Variants in WDR25 observed in about 807,000 individuals in gnomAD.
WDR25 encodes the protein WD repeat-containing protein 25.
A neutral mutation model predicts 47.7 loss-of-function variants in WDR25; 35 were observed. The observed-to-expected ratio is 0.73, with a 90% CI of 0.56 to 0.97. The LOEUF (loss-of-function observed/expected upper bound fraction) is 0.97. Among genes scored for constraint, WDR25 ranks in the 50% least tolerant of loss-of-function variants. The probability of loss-of-function intolerance (pLI) is 0.00; values close to 1 mark genes in which losing one functional copy is unlikely to be tolerated. For synonymous variants in WDR25, 248 were observed against 278.9 expected (o/e 0.89, Z 1.10); for missense variants, 634 against 704.7 (o/e 0.90, Z 1.14).
chr14:100,522,702 A>T (rs1044462857), intron 4 of WDR25, among the ~76,000 whole-genome samples: 1 of 152,192 alleles, frequency 6.6e-6, no homozygotes, highest in African/African-American at 2.4e-5. Flanking sequence ...TACTTTACAG[A>T]TATGGAGACT....
In WDR25 at chr14:100,449,295, G is replaced by A. The variant is rs1430178301; in HGVS notation, c.823-18726G>A. The stretch of plus-strand genomic sequence containing the variant: ...CCATCAGGGAGGGCCAGGGAGAACC[G>A]TGGCTTCGATAATGGTATGGGCCTG... On this transcript the variant is annotated intron_variant, in intron 2 of 6. Transcript: ENST00000402312. The surrounding 1 kb of genome is among the most constrained non-coding windows in gnomAD (Gnocchi z 4.2). 4.6e-5 allele frequency among the ~76,000 whole-genome samples: 7 copies of A among 152,252 alleles called. No homozygotes were observed. The highest frequency in any genetic ancestry group is 3.2e-3 in the Middle Eastern group (1 of 316).
rs1213203990 is a variant in WDR25 at position 100,448,190 on chromosome 14, T to TC, written c.823-19830dup. Among the ~76,000 whole-genome samples, 214 of 78,466 alleles carry TC rather than the reference T, an allele frequency of 2.7e-3. No individual in the cohort carries two copies. In the Admixed American group the frequency reaches 0.032, roughly 12 times the overall value. 51.5% of individuals were successfully genotyped at this position (78,466 alleles called of 152,430 possible). ...AGCCTGGAAAACGAGCAAAACTCCG[T>TC]CTCAAAAAAAAAAAAAAAAAAAGAA... On this transcript the variant is annotated intron_variant, in intron 2 of 6. Coordinates refer to ENST00000402312, the MANE Select transcript of WDR25 (RefSeq NM_001161476.3).
At chr14:100,520,397 T>C (rs1285668102) in intron 4 of WDR25, among the ~76,000 whole-genome samples, 2 of 152,312 alleles carry the variant, frequency 1.3e-5, no homozygotes, top group African/African-American at 4.8e-5. Flanking sequence ...TTTATATATA[T>C]TGACACTAAC....
chr14:100,481,738 A>G (rs894265547), intron 3 of WDR25, among the ~76,000 whole-genome samples: 1 of 152,090 alleles, frequency 6.6e-6, no homozygotes, highest in Non-Finnish European at 1.5e-5. Context: ...CCCTGTCAGA[A>G]TTGTGTGGAC....
intron 2 of WDR25, among the ~76,000 whole-genome samples, chr14:100,409,762 G>GT (rs1167865526): frequency 6.6e-6 from 1 of 152,200 alleles, no homozygotes; most frequent in Non-Finnish European, 1.5e-5. Context: ...TAAGTAAGCA[G>GT]TTTCCTGGGT....
intron 2 of WDR25, among the ~76,000 whole-genome samples, chr14:100,458,152 C>G (rs1352741560): frequency 6.6e-6 from 1 of 151,908 alleles, no homozygotes; most frequent in African/African-American, 2.4e-5. Context: ...TATAAGAAAC[C>G]CACTTTATAA....
At chr14:100,385,128 G>A (rs1896990473) in intron 2 of WDR25, among the ~76,000 whole-genome samples, 1 of 152,142 alleles carries the variant, frequency 6.6e-6, no homozygotes, top group African/African-American at 2.4e-5. Flanking sequence ...TACGTAAGTA[G>A]CCATGGAAGC....
At chr14:100,391,905 G>A (rs1330052825) in intron 2 of WDR25, among the ~76,000 whole-genome samples, 1 of 152,162 alleles carries the variant, frequency 6.6e-6, no homozygotes, top group Non-Finnish European at 1.5e-5. Flanking sequence ...TTTTCCAGAG[G>A]CTATGAGGCG....
intron 4 of WDR25, among the ~76,000 whole-genome samples, chr14:100,490,331 CTGAT>C (rs1422302828): frequency 3.3e-5 from 5 of 152,270 alleles, no homozygotes. Context: ...GCATGAATGA[CTGAT>C]AGCTCTAATC....
In WDR25 at chr14:100,392,081, T is replaced by G. The variant is rs1472687615; in HGVS notation, c.822+10335T>G. On this transcript the variant is annotated intron_variant, in intron 2 of 6. Coordinates refer to ENST00000402312, the MANE Select transcript of WDR25 (RefSeq NM_001161476.3). This position sits in a 1 kb window ranked among gnomAD's most constrained non-coding sequence, Gnocchi z 4.2. ...TTTTATAAGAATGTGCTATTTCTGT[T>G]AACATGTGGGGGGTTTGTTACTGTT... is the stretch of plus-strand genomic sequence containing the variant. Among the ~76,000 whole-genome samples, 1 of 152,214 alleles carries G rather than the reference T, an allele frequency of 6.6e-6. No individual in the cohort carries two copies. Among genetic ancestry groups the G allele is most frequent in the East Asian group, 1.9e-4 (1 of 5,202 alleles).
intron 2 of WDR25, among the ~76,000 whole-genome samples, chr14:100,460,026 A>C (rs541931966): frequency 2.0e-5 from 3 of 149,138 alleles, no homozygotes; most frequent in African/African-American, 7.4e-5. Context: ...CTATGAGGCC[A>C]TGATTACCCT....
chr14:100,519,016 A>G (rs959643241), intron 4 of WDR25, among the ~76,000 whole-genome samples: 1 of 151,884 alleles, frequency 6.6e-6, no homozygotes, highest in African/African-American at 2.4e-5. Context: ...TGAGGGATTT[A>G]TTTCAGAATG....
At chr14:100,474,887 C>T (rs984006932) in intron 3 of WDR25, among the ~76,000 whole-genome samples, 1 of 152,180 alleles carries the variant, frequency 6.6e-6, no homozygotes, top group Non-Finnish European at 1.5e-5. Flanking sequence ...GTTTGCAAAT[C>T]ATACATCTTG....
At chr14:100,466,914 C>T (rs144009118) in intron 2 of WDR25, among the ~76,000 whole-genome samples, 115 of 152,298 alleles carry the variant, frequency 7.6e-4, no homozygotes, top group Admixed American at 1.9e-3. Flanking sequence ...CTGGGCTGCA[C>T]GGTGTGTTTG....
At chr14:100,446,855 G>A (rs1051978738) in intron 2 of WDR25, among the ~76,000 whole-genome samples, 13 of 152,256 alleles carry the variant, frequency 8.5e-5, no homozygotes, top group African/African-American at 2.4e-4. Context: ...TGTCAGCACC[G>A]CATGGATGCA....
At chr14:100,436,188 G>T (rs1486573503) in intron 2 of WDR25, among the ~76,000 whole-genome samples, 1 of 152,088 alleles carries the variant, frequency 6.6e-6, no homozygotes, top group African/African-American at 2.4e-5. Flanking sequence ...ATCTCATTGA[G>T]TCCTCCCATC....
chr14:100,403,734 G>A (rs918404193), intron 2 of WDR25, among the ~76,000 whole-genome samples: 9 of 152,178 alleles, frequency 5.9e-5, no homozygotes, highest in Non-Finnish European at 1.2e-4. Flanking sequence ...TTAGGAGCCC[G>A]TTTGTTGCTT....
At chr14:100,400,551 A>T (rs1256972054) in intron 2 of WDR25, among the ~76,000 whole-genome samples, 7 of 152,256 alleles carry the variant, frequency 4.6e-5, no homozygotes, top group Non-Finnish European at 1.0e-4. Context: ...AAAAACCTTA[A>T]GCCCTTATTA....
At chr14:100,487,709 G>A (rs1317688056) in intron 4 of WDR25, 1 of 152,212 alleles carries the variant, frequency 6.6e-6, no homozygotes, top group African/African-American at 2.4e-5. Context: ...GGGTGTATAA[G>A]TTGTTTCTCT....
Sources: allele counts gnomAD v4.1 joint callset (sites outside exome capture counted in the v4.1 genomes callset), GRCh38; gene constraint gnomAD v4.1.1; non-coding constraint Gnocchi (gnomAD v3.1); transcripts MANE v1.5; gene names NCBI Gene and HGNC (gene_info 2026-07-23, HGNC 2026-07-21).